Variants in GRM8 observed in about 807,000 individuals in gnomAD.
The protein encoded by GRM8 is metabotropic glutamate receptor 8.
A neutral mutation model predicts 87.2 loss-of-function variants in GRM8; 47 were observed. The ratio of observed to expected loss-of-function variants is 0.54; its 90% confidence interval spans 0.43 to 0.69. The LOEUF is 0.69. GRM8 is among the 30% of genes least tolerant of loss of function. The pLI is 0.00. For synonymous variants in GRM8, 396 were observed against 404.5 expected (o/e 0.98, Z 0.25); for missense variants, 1,019 against 1,139.2 (o/e 0.89, Z 1.52).
chr7:127,036,088 T>C (rs1817816378), intron 3 of GRM8, among the ~76,000 whole-genome samples: 1 of 152,228 alleles, frequency 6.6e-6, no homozygotes, highest in African/African-American at 2.4e-5. Flanking sequence ...TTTGTTAAGC[T>C]AATTCCAGTT....
chr7:126,677,184 A>G (rs1187545632), intron 7 of GRM8, among the ~76,000 whole-genome samples: 1 of 152,190 alleles, frequency 6.6e-6, no homozygotes, highest in Non-Finnish European at 1.5e-5. Context: ...GCCATTATTT[A>G]AAAAATCAAA....
At chr7:127,184,655 G>C (rs1415649999) in intron 2 of GRM8, among the ~76,000 whole-genome samples, 1 of 151,768 alleles carries the variant, frequency 6.6e-6, no homozygotes, top group African/African-American at 2.4e-5. Flanking sequence ...GACAAGAAAA[G>C]GAAATAAAAG....
At chr7:127,124,634 G>C (rs1344838838) in intron 2 of GRM8, among the ~76,000 whole-genome samples, 1 of 152,060 alleles carries the variant, frequency 6.6e-6, no homozygotes, top group Non-Finnish European at 1.5e-5. Context: ...AGTCAACTCA[G>C]ACTTCTCTAA....
intron 3 of GRM8, among the ~76,000 whole-genome samples, chr7:127,059,213 T>G (rs1046421979): frequency 6.6e-6 from 1 of 152,112 alleles, no homozygotes; most frequent in African/African-American, 2.4e-5. Context: ...AAATTCCACA[T>G]TCAAATGCAA....
chr7:126,850,145 G>C (rs767536237), intron 6 of GRM8, among the ~76,000 whole-genome samples: 1 of 152,096 alleles, frequency 6.6e-6, no homozygotes, highest in Non-Finnish European at 1.5e-5. Context: ...TCCTTGTCAA[G>C]GTCACTAATA....
At chr7:126,538,628 T>C (rs1203611993) in intron 8 of GRM8, among the ~76,000 whole-genome samples, 1 of 152,068 alleles carries the variant, frequency 6.6e-6, no homozygotes, top group Admixed American at 6.5e-5. Context: ...TTTTGTTAAT[T>C]ATTATTAATT....
At chr7:127,055,541 A>G (rs536803529) in intron 3 of GRM8, among the ~76,000 whole-genome samples, 42 of 152,304 alleles carry the variant, frequency 2.8e-4, no homozygotes, top group African/African-American at 9.4e-4. Context: ...CCTGAAAGAA[A>G]ATAAATCCAT....
intron 3 of GRM8, among the ~76,000 whole-genome samples, chr7:126,942,343 C>G (rs1438016281): frequency 1.3e-5 from 2 of 152,146 alleles, no homozygotes; most frequent in South Asian, 2.1e-4. Flanking sequence ...GTCCTCTCTT[C>G]TTTATATCAC....
rs1324741790 is a variant in GRM8 at position 126,481,747 on chromosome 7, G to C, written c.2431-35375C>G. Among the ~76,000 whole-genome samples the C allele has an allele frequency of 2.0e-5, 3 of 151,974 alleles. No homozygotes were observed. The East Asian group carries it at 5.8e-4, about 30-fold the overall frequency. Reference sequence around the variant, plus strand: ...AGGGTTAGATCTTACGACTCAAAGAGGATATTAATGGAAAAATTGTTGAAA... The same window carrying C: ...AGGGTTAGATCTTACGACTCAAAGACGATATTAATGGAAAAATTGTTGAAA... On this transcript the variant is annotated intron_variant, in intron 9 of 10. Coordinates refer to ENST00000339582, the MANE Select transcript of GRM8 (RefSeq NM_000845.3).
At chr7:126,858,766 C>A (rs1033157607) in intron 6 of GRM8, among the ~76,000 whole-genome samples, 3 of 152,180 alleles carry the variant, frequency 2.0e-5, no homozygotes, top group East Asian at 1.9e-4. Flanking sequence ...TTAAAACTAA[C>A]CCCCTCTGAT....
chr7:127,223,849 A>G (rs1797131264), intron 2 of GRM8, among the ~76,000 whole-genome samples: 1 of 152,096 alleles, frequency 6.6e-6, no homozygotes, highest in South Asian at 2.1e-4. Flanking sequence ...AAGTATCAGC[A>G]AAGAAACAGA....
At chr7:126,460,442 C>T (rs1210022805) in intron 9 of GRM8, among the ~76,000 whole-genome samples, 2 of 151,580 alleles carry the variant, frequency 1.3e-5, no homozygotes, top group Non-Finnish European at 3.0e-5. Flanking sequence ...AACCTTAAAA[C>T]ACCCAGTAAT....
intron 3 of GRM8, among the ~76,000 whole-genome samples, chr7:126,919,263 C>T (rs1804248004): frequency 6.6e-6 from 1 of 152,080 alleles, no homozygotes; most frequent in African/African-American, 2.4e-5. Flanking sequence ...AAGAAGGGTG[C>T]TTGACAGGAT....
chr7:126,966,751 C>T (rs138699631), intron 3 of GRM8, among the ~76,000 whole-genome samples: 2 of 152,162 alleles, frequency 1.3e-5, no homozygotes, highest in Non-Finnish European at 2.9e-5. Context: ...ACTGGGCCAA[C>T]AGAAATAATT....
At chr7:126,885,028 C>G (rs1800360370) in intron 6 of GRM8, among the ~76,000 whole-genome samples, 1 of 152,154 alleles carries the variant, frequency 6.6e-6, no homozygotes. Context: ...AAGTCCTGTC[C>G]TGTGCACAGC....
intron 2 of GRM8, among the ~76,000 whole-genome samples, chr7:127,110,784 T>C (rs1826275443): frequency 6.6e-6 from 1 of 152,178 alleles, no homozygotes; most frequent in South Asian, 2.1e-4. Context: ...TCTCTCACTC[T>C]CCGTTCCTTT....
chr7:127,190,162 A>T (rs1045369868), intron 2 of GRM8, among the ~76,000 whole-genome samples: 12 of 152,206 alleles, frequency 7.9e-5, no homozygotes, highest in Non-Finnish European at 1.5e-4. Flanking sequence ...AGAGCAGGCT[A>T]TGCAGACATG....
At chr7:126,924,024 T>C (rs935794859) in intron 3 of GRM8, among the ~76,000 whole-genome samples, 7 of 152,204 alleles carry the variant, frequency 4.6e-5, no homozygotes. Context: ...TACCTCACAG[T>C]TCTCCAGAAA....
chr7:126,445,073 G>A (rs962160632), intron 10 of GRM8, among the ~76,000 whole-genome samples: 8 of 152,030 alleles, frequency 5.3e-5, no homozygotes, highest in Non-Finnish European at 1.2e-4. Context: ...GCTGAGGTGG[G>A]AGGATCACTT....
Sources: allele counts gnomAD v4.1 joint callset (sites outside exome capture counted in the v4.1 genomes callset), GRCh38; gene constraint gnomAD v4.1.1; transcripts MANE v1.5; gene names NCBI Gene and HGNC (gene_info 2026-07-23, HGNC 2026-07-21).